The following CDH7 variants were observed in gnomAD, a reference collection of about 807,000 sequenced individuals.
CDH7 encodes cadherin-7.
CDH7 carries 25 observed loss-of-function variants against 71.8 expected under a neutral mutation model. The observed-to-expected ratio is 0.35, with a 90% CI of 0.25 to 0.49. The LOEUF (loss-of-function observed/expected upper bound fraction) is 0.49, where lower values mean the gene tolerates loss of function less well. Ranked by LOEUF, CDH7 falls within the 20% of genes least tolerant of loss-of-function variation. CDH7 has a pLI of 0.99. For synonymous variants in CDH7, 381 were observed against 363.8 expected (o/e 1.05, Z -0.54); for missense variants, 862 against 974.6 (o/e 0.88, Z 1.54).
chr18:65,832,105 G>C (rs920541754), intron 6 of CDH7, among the ~76,000 whole-genome samples: 8 of 152,042 alleles, frequency 5.3e-5, no homozygotes, highest in Non-Finnish European at 5.9e-5. Flanking sequence ...CATTTCTATT[G>C]TAATGAGATT....
rs867344059 is a variant in CDH7, at chr18:65,883,543, T to C, written c.*2649T>C. 1 of 152,062 alleles carries C rather than the reference T, an allele frequency of 6.6e-6. No individual in the cohort carries two copies. The highest frequency in any genetic ancestry group is 2.4e-5 in the African/African-American group (1 of 41,452). The allele number at this position is 152,062 out of a possible 1,614,324, so 9.4% of individuals were successfully genotyped here. On this transcript the variant is annotated 3_prime_UTR_variant, in exon 12 of 12. Coordinates refer to ENST00000397968, the MANE Select transcript of CDH7 (RefSeq NM_004361.5). ...TTATCAAGTTGCTTAAATTCAGTATTATACTGAAACCAACTAGAATGAGCT... is the reference window on the plus strand; with the variant it reads ...TTATCAAGTTGCTTAAATTCAGTATCATACTGAAACCAACTAGAATGAGCT...
intron 5 of CDH7, among the ~76,000 whole-genome samples, chr18:65,824,089 C>T (rs1912038205): frequency 6.6e-6 from 1 of 150,682 alleles, no homozygotes; most frequent in Non-Finnish European, 1.5e-5. Flanking sequence ...CCATTGTGGC[C>T]CAAATCAGTT....
intron 2 of CDH7, among the ~76,000 whole-genome samples, chr18:65,768,806 T>A (rs1434487589): frequency 1.3e-5 from 2 of 152,134 alleles, no homozygotes; most frequent in Admixed American, 6.5e-5. Flanking sequence ...TGATTTATAT[T>A]GATTATATGC....
In CDH7 at chr18:65,762,928, T is replaced by C; in HGVS notation, c.86T>C (p.Leu29Pro). 6 of 1,613,598 alleles carry C rather than the reference T, an allele frequency of 3.7e-6. No individual in the cohort carries two copies. The highest frequency in any genetic ancestry group is 5.1e-6 in the Non-Finnish European group (6 of 1,179,786). The change falls in exon 2 of 12, where the codon CTC (leucine) becomes CCC (proline). Residue 29 changes from leucine to proline, a missense_variant. By Grantham distance (98) the Leu-to-Pro change is moderately conservative. Transcript: ENST00000397968. Reference sequence around the variant, plus strand: ...TTTTCTGGGATGAGTCAAGCAGAACTCTCAAGGTCCAGATCAAAGCCCTAT... The same window carrying C: ...TTTTCTGGGATGAGTCAAGCAGAACCCTCAAGGTCCAGATCAAAGCCCTAT... ...LCFSGMSQAE[L>P]SRSRSKPYFQ...
intron 2 of CDH7, among the ~76,000 whole-genome samples, chr18:65,807,336 T>C (rs1173350899): frequency 6.6e-6 from 1 of 152,142 alleles, no homozygotes; most frequent in Non-Finnish European, 1.5e-5. Flanking sequence ...TTATTTTGTC[T>C]CTCATACTTG....
intron 2 of CDH7, among the ~76,000 whole-genome samples, chr18:65,788,463 C>T (rs1365818056): frequency 1.3e-5 from 2 of 151,970 alleles, no homozygotes; most frequent in African/African-American, 4.8e-5. Context: ...AAAGAAAGAC[C>T]CTACATATCA....
intron 4 of CDH7, among the ~76,000 whole-genome samples, chr18:65,817,148 T>A (rs1911751589): frequency 2.6e-5 from 4 of 152,168 alleles, no homozygotes; most frequent in Admixed American, 2.0e-4. Context: ...GAAAATGGAT[T>A]GAGTGTTAAA....
chr18:65,832,643 T>G (rs1484719750), intron 6 of CDH7, among the ~76,000 whole-genome samples: 1 of 152,112 alleles, frequency 6.6e-6, no homozygotes, highest in Non-Finnish European at 1.5e-5. Flanking sequence ...TATGAATGTT[T>G]CTATGATAAC....
intron 7 of CDH7, among the ~76,000 whole-genome samples, chr18:65,853,926 T>TATATAC (rs1913245923): frequency 2.1e-5 from 2 of 95,062 alleles, no homozygotes; most frequent in African/African-American, 8.1e-5. Flanking sequence ...TATATATATA[T>TATATAC]ATATATATAT....
intron 2 of CDH7, among the ~76,000 whole-genome samples, chr18:65,796,202 C>A (rs2143869836): frequency 6.6e-6 from 1 of 152,096 alleles, no homozygotes; most frequent in Middle Eastern, 3.4e-3. Flanking sequence ...AAATTGCAAG[C>A]TAGTATACAC....
At position 65,884,278 on chromosome 18, in the gene CDH7, G is replaced by C. The variant is rs1388869471; in HGVS notation, c.*3384G>C. On this transcript the variant is annotated 3_prime_UTR_variant, in exon 12 of 12. Transcript: ENST00000397968. ...AATATTCCAAGATCAGCCAGCTAAG[G>C]AACAAAATCAGGAAAGAGACATCAA... 1 of 152,056 alleles carries C rather than the reference G, an allele frequency of 6.6e-6. No individual in the cohort carries two copies. Among genetic ancestry groups the C allele is most frequent in the East Asian group, 1.9e-4 (1 of 5,186 alleles). 9.4% of individuals were successfully genotyped at this position (152,056 alleles called of 1,614,324 possible). A position where few individuals can be genotyped will look rare whatever the true frequency, so the allele number is the denominator to read the frequency against.
At chr18:65,800,295 G>A (rs1381530074) in intron 2 of CDH7, among the ~76,000 whole-genome samples, 1 of 152,072 alleles carries the variant, frequency 6.6e-6, no homozygotes. Flanking sequence ...TAGCCAGGAT[G>A]GTCTCGATCT....
At chr18:65,806,084 T>C (rs1478032807) in intron 2 of CDH7, among the ~76,000 whole-genome samples, 1 of 152,168 alleles carries the variant, frequency 6.6e-6, no homozygotes, top group Non-Finnish European at 1.5e-5. Flanking sequence ...CAGAAATATA[T>C]TTTAGGATAC....
At chr18:65,785,291 T>C (rs942349601) in intron 2 of CDH7, among the ~76,000 whole-genome samples, 1 of 152,082 alleles carries the variant, frequency 6.6e-6, no homozygotes, top group African/African-American at 2.4e-5. Flanking sequence ...ATATGACATA[T>C]AGTGTTCTGT....
intron 6 of CDH7, among the ~76,000 whole-genome samples, chr18:65,828,052 A>T (rs1299837806): frequency 6.6e-6 from 1 of 151,638 alleles, no homozygotes; most frequent in East Asian, 1.9e-4. Flanking sequence ...TTCTGAGTAG[A>T]TACTAGATAG....
At position 65,887,352 on chromosome 18, in the gene CDH7, G is replaced by T. The variant is rs1015917150; in HGVS notation, c.*6458G>T. Reference sequence around the variant, plus strand: ...ACATATGTATACATGTGCCATGCTGGTGTGCGGCACCCATTAACTCGTCAT... The same window carrying T: ...ACATATGTATACATGTGCCATGCTGTTGTGCGGCACCCATTAACTCGTCAT... On this transcript the variant is annotated 3_prime_UTR_variant, in exon 12 of 12. Transcript: ENST00000397968. 2.0e-5 allele frequency: 3 copies of T among 151,798 alleles called. No individual in the cohort carries two copies. The highest frequency in any genetic ancestry group is 4.4e-5 in the Non-Finnish European group (3 of 67,976). The allele number at this position is 151,798 out of a possible 1,614,324, so 9.4% of individuals were successfully genotyped here. A position where few individuals can be genotyped will look rare whatever the true frequency, so the allele number is the denominator to read the frequency against.
In CDH7 at chr18:65,875,655, G is replaced by A. The variant is rs145374907; in HGVS notation, c.1865-4746G>A. Among the ~76,000 whole-genome samples, 39 of 152,292 alleles carry A rather than the reference G, an allele frequency of 2.6e-4. No homozygotes were observed. In the East Asian group the frequency reaches 6.6e-3, roughly 26 times the overall value. ...TAATGCTAACGCTTTGGAAGACCAA[G>A]GCAGGAGGATCACTTGAGCTTAAGG... On this transcript the variant is annotated intron_variant, in intron 11 of 11. Transcript: ENST00000397968.
rs1298374200 is a variant in CDH7 at position 65,889,321 on chromosome 18, A to G, written c.*8427A>G. ...TCTTATGAAGCTAAACTGTCAACAA[A>G]CAGTTCCACTGAAGTTGCCATAGGG... is the stretch of plus-strand genomic sequence containing the variant. On this transcript the variant is annotated 3_prime_UTR_variant, in exon 12 of 12. Coordinates refer to ENST00000397968, the MANE Select transcript of CDH7 (RefSeq NM_004361.5). The G allele has an allele frequency of 6.6e-6, 1 of 152,220 alleles. No homozygotes were observed. The allele number at this position is 152,220 out of a possible 1,614,324, so 9.4% of individuals were successfully genotyped here.
At chr18:65,814,345 A>G in intron 3 of CDH7, 140 bp from the exon 4 acceptor site, 2 of 828,698 alleles carry the variant, frequency 2.4e-6, no homozygotes, top group Non-Finnish European at 2.0e-6. Flanking sequence ...AAAATACTGT[A>G]TCCATTTTTT....
Sources: allele counts gnomAD v4.1 joint callset (sites outside exome capture counted in the v4.1 genomes callset), GRCh38; gene constraint gnomAD v4.1.1; transcripts MANE v1.5; gene names NCBI Gene and HGNC (gene_info 2026-07-23, HGNC 2026-07-21).